Variants in SLC2A3 observed in about 807,000 individuals in gnomAD.
The protein encoded by SLC2A3 is solute carrier family 2, facilitated glucose transporter member 3.
SLC2A3 carries 21 observed loss-of-function variants against 46.4 expected under a neutral mutation model. The ratio of observed to expected loss-of-function variants is 0.45; its 90% confidence interval spans 0.32 to 0.65. The LOEUF is 0.65. SLC2A3 is among the 30% of genes least tolerant of loss of function. The pLI is 0.04. For missense variants in SLC2A3, 499 were observed against 623.3 expected (o/e 0.80, Z 2.12); for synonymous variants, 213 against 239.4 (o/e 0.89, Z 1.02).
At position 7,922,896 on chromosome 12, in the gene SLC2A3, T is replaced by C. The variant is rs983831925; in HGVS notation, c.1197A>G (p.Pro399=). The part of the protein sequence containing the change: ...VAELFSQGPR[P]AAMAVAGCSN... ...AGCAGCCGGCCACTGCCATCGCAGC[T>C]GGGCGGGGGCCCTGGCTGAAGAGTT... The change falls in exon 9 of 10, where the codon CCA becomes CCG. Residue 399 remains proline (P), a synonymous_variant. Coordinates refer to ENST00000075120, the MANE Select transcript of SLC2A3 (RefSeq NM_006931.3). The C allele has an allele frequency of 3.1e-6, 5 of 1,614,034 alleles. No individual in the cohort carries two copies. Among genetic ancestry groups the C allele is most frequent in the Non-Finnish European group, 4.2e-6 (5 of 1,180,024 alleles).
chr12:7,934,138 G>A (rs1286208122), intron 1 of SLC2A3, among the ~76,000 whole-genome samples: 1 of 152,034 alleles, frequency 6.6e-6, no homozygotes, highest in African/African-American at 2.4e-5. Context: ...ATTGGGGAAG[G>A]AAGAAGTTAA....
chr12:7,930,147 G>A (rs983053907), intron 5 of SLC2A3: 4 of 596,524 alleles, frequency 6.7e-6, no homozygotes, highest in Middle Eastern at 5.0e-4. Context: ...CCCCATGCCC[G>A]GCTAATTTTG....
At chr12:7,932,888 C>T (rs746348692) in intron 3 of SLC2A3, 99 bp downstream of exon 3, 1 of 1,512,240 alleles carries the variant, frequency 6.6e-7, no homozygotes, top group Non-Finnish European at 8.9e-7. Context: ...TCAAGGTGTT[C>T]TTATTCAAAG....
intron 6 of SLC2A3, chr12:7,929,481 C>G: frequency 3.5e-6 from 2 of 579,342 alleles, no homozygotes; most frequent in Non-Finnish European, 5.3e-6. Context: ...TTTTAAATTT[C>G]AGAGACACAG....
chr12:7,924,327 A>G, intron 8 of SLC2A3, 83 bp downstream of exon 8: 3 of 1,539,136 alleles, frequency 1.9e-6, no homozygotes, highest in Non-Finnish European at 2.6e-6. Flanking sequence ...TGCAACCTTA[A>G]CAACCCACCC....
At chr12:7,928,699 A>C (rs1946120982) in intron 6 of SLC2A3, among the ~76,000 whole-genome samples, 1 of 152,078 alleles carries the variant, frequency 6.6e-6, no homozygotes, top group South Asian at 2.1e-4. Context: ...TGCTCTGGAA[A>C]GTCTCGGGAG....
intron 7 of SLC2A3, 131 bp from the exon 8 acceptor site, chr12:7,924,642 A>G: frequency 1.2e-6 from 1 of 806,544 alleles, no homozygotes. Flanking sequence ...ATGATTTTAT[A>G]TACATACATA....
chr12:7,932,000 G>T (rs1167125153), intron 3 of SLC2A3, among the ~76,000 whole-genome samples: 1 of 151,042 alleles, frequency 6.6e-6, no homozygotes, highest in African/African-American at 2.4e-5. Flanking sequence ...TCCTGCCTCA[G>T]CTTCCAAGCA....
At chr12:7,921,706 A>G (rs984840271) in intron 9 of SLC2A3, 75 bp from the exon 10 acceptor site, 2 of 1,453,262 alleles carry the variant, frequency 1.4e-6, no homozygotes, top group Admixed American at 2.1e-5. Flanking sequence ...CTTCACATTC[A>G]TATTTCCAAT....
At chr12:7,934,751 C>T (rs765136078) in intron 1 of SLC2A3, among the ~76,000 whole-genome samples, 8 of 151,912 alleles carry the variant, frequency 5.3e-5, no homozygotes, top group Non-Finnish European at 7.4e-5. Flanking sequence ...CCTTTCAGGT[C>T]GGGCAGATTA....
chr12:7,927,984 C>T (rs1946112742), intron 6 of SLC2A3, among the ~76,000 whole-genome samples: 1 of 151,828 alleles, frequency 6.6e-6, no homozygotes, highest in African/African-American at 2.4e-5. Context: ...GGGCTGTAAT[C>T]CCACCTGTAA....
rs373733967 is a variant in SLC2A3, at chr12:7,933,168, T to C, written c.109-21A>G. The stretch of plus-strand genomic sequence containing the variant: ...ATGATCTGCAAAATAAAAGGGTTGG[T>C]GGAAGAACAGACTGTTACAGTTGGA... On this transcript the variant is annotated intron_variant, in intron 2 of 9. Coordinates refer to ENST00000075120, the MANE Select transcript of SLC2A3 (RefSeq NM_006931.3). 28 of 1,612,814 alleles carry C rather than the reference T, an allele frequency of 1.7e-5. No homozygotes were observed. The African/African-American group carries it at 3.2e-4, about 18-fold the overall frequency.
intron 4 of SLC2A3, among the ~76,000 whole-genome samples, chr12:7,930,908 C>T (rs188022235): frequency 6.8e-4 from 103 of 151,254 alleles, no homozygotes; most frequent in African/African-American, 2.1e-3. Context: ...GCCATTCTCC[C>T]GCCTCAGCCT....
intron 2 of SLC2A3, 108 bp from the exon 3 acceptor site, chr12:7,933,255 A>G (rs771337366): frequency 6.5e-5 from 79 of 1,212,624 alleles, no homozygotes; most frequent in Non-Finnish European, 9.0e-5. Flanking sequence ...GAATAAATAG[A>G]CAGGAATGGA....
chr12:7,921,448 T>C lies in SLC2A3; in HGVS notation c.1456A>G (p.Ile486Val). 1 of 1,614,018 alleles carries C rather than the reference T, an allele frequency of 6.2e-7. No individual in the cohort carries two copies. The highest frequency in any genetic ancestry group is 8.5e-7 in the Non-Finnish European group (1 of 1,179,906). Reference sequence around the variant, plus strand: ...GTGGTGGTCTCCTTAGCAGGCTCGATGCTGTTCATCTCCATGACGCCGTCC... The same window carrying C: ...GTGGTGGTCTCCTTAGCAGGCTCGACGCTGTTCATCTCCATGACGCCGTCC... Reference protein sequence around the residue: ...GKDGVMEMNSIEPAKETTTNV With the variant: ...GKDGVMEMNSVEPAKETTTNV Residue 486 changes from isoleucine (I) to valine (V), a missense_variant, in exon 10 of 10, where the codon ATC (isoleucine) becomes GTC (valine). By Grantham distance (29) the Ile-to-Val change is conservative. Around this residue, in one of 5 missense-constraint regions of SLC2A3, gnomAD observed 179 missense variants for 205.1 expected, o/e 0.87. Coordinates refer to ENST00000075120, the MANE Select transcript of SLC2A3 (RefSeq NM_006931.3).
intron 4 of SLC2A3, among the ~76,000 whole-genome samples, chr12:7,930,889 C>T (rs17847962): frequency 6.7e-6 from 1 of 149,114 alleles, no homozygotes; most frequent in South Asian, 2.1e-4. Context: ...CTCTGCCTAC[C>T]GGGTTCACGC....
At position 7,931,482 on chromosome 12, in the gene SLC2A3, G is replaced by A. The variant is rs368230374; in HGVS notation, c.273C>T (p.Arg91=). ...ACAGGTTGACAATCAGCATTGAATT[G>A]CGCCTGTAAGGTTAATCAAAGACAA... ...VGLFVNRFGR[R]NSMLIVNLLA... Residue 91 remains arginine, a synonymous_variant, in exon 4 of 10, where the codon CGC becomes CGT. Transcript: ENST00000075120. 2.0e-4 allele frequency: 321 copies of A among 1,614,156 alleles called. 2 individuals are homozygous for A. Among genetic ancestry groups the A allele is most frequent in the Admixed American group, 2.7e-4 (16 of 60,018 alleles).
At chr12:7,922,439 T>C (rs1946047329) in intron 9 of SLC2A3, among the ~76,000 whole-genome samples, 1 of 152,074 alleles carries the variant, frequency 6.6e-6, no homozygotes, top group African/African-American at 2.4e-5. Flanking sequence ...TAACTGAAAC[T>C]GAAGAAGAGG....
Position 7,931,597 on chromosome 12 carries a change from T to A in SLC2A3, c.270-112A>T, listed in dbSNP as rs1592357948. On this transcript the variant is annotated intron_variant, in intron 3 of 9. Coordinates refer to ENST00000075120, the MANE Select transcript of SLC2A3 (RefSeq NM_006931.3). ...AGGCTCATATCATCCCTTTTTTTTTTAATCTAACTTTTGTTTTTCACTTTC... is the reference window on the plus strand; with the variant it reads ...AGGCTCATATCATCCCTTTTTTTTTAAATCTAACTTTTGTTTTTCACTTTC... 1.9e-5 allele frequency: 27 copies of A among 1,444,828 alleles called. No homozygotes were observed. In the East Asian group the frequency reaches 3.0e-4, roughly 16 times the overall value. 89.5% of individuals were successfully genotyped at this position (1,444,828 alleles called of 1,614,324 possible). A position where few individuals can be genotyped will look rare whatever the true frequency, so the allele number is the denominator to read the frequency against.
Sources: gnomAD v4.1 joint callset for allele counts (sites outside exome capture counted in the v4.1 genomes callset) on GRCh38, gnomAD v4.1.1 for gene constraint, gnomAD v4.1.1 regional missense constraint, MANE v1.5 for transcripts, NCBI Gene and HGNC (gene_info 2026-07-23, HGNC 2026-07-21) for gene names.